KRT13: variants seen among roughly 807,000 people sequenced by gnomAD.
The protein encoded by KRT13 is keratin 13.
Under a neutral mutation model 40.6 loss-of-function variants are expected in KRT13, and 27 were observed. That is an observed-to-expected ratio of 0.67 (90% CI 0.49 to 0.92). The LOEUF (loss-of-function observed/expected upper bound fraction) is 0.92. KRT13 is among the 40% of genes least tolerant of loss of function. KRT13 has a pLI of 0.00. For missense variants in KRT13, 605 were observed against 611.5 expected, an observed-to-expected ratio of 0.99 and a Z score of 0.11; for synonymous variants, 266 against 240.3, an observed-to-expected ratio of 1.11 and a Z score of -0.99.
rs3169911 is a variant in KRT13 at position 41,501,086 on chromosome 17, G to A, written c.*170C>T. The A allele has an allele frequency of 0.043, 24,643 of 579,558 alleles. 687 individuals carry two copies. The highest frequency in any genetic ancestry group is 0.11 in the African/African-American group (5,780 of 53,404). 35.9% of individuals were successfully genotyped at this position (579,558 alleles called of 1,614,324 possible). On this transcript the variant is annotated 3_prime_UTR_variant, in exon 8 of 8. Coordinates refer to ENST00000246635, the MANE Select transcript of KRT13 (RefSeq NM_153490.3). ...GGTCAGAGAGGAGAGAGATCCGACC[G>A]GAAGAGAAGAGCACAGAGGGCCCAC... is the stretch of plus-strand genomic sequence containing the variant.
In KRT13 at chr17:41,502,942, T is replaced by C. The variant is rs4796697; in HGVS notation, c.892A>G (p.Thr298Ala). ...GGGGTGGGAGGGCCGGGTACCTTGG[T>C]GTGGAACCATTCCTCAGCATCCCGG... The part of the protein sequence containing the change: ...NRRDAEEWFH[T>A]KSAELNKEVS... Residue 298 changes from threonine to alanine, a missense_variant, in exon 4 of 8, where the codon ACC becomes GCC. Coordinates refer to ENST00000246635, the MANE Select transcript of KRT13 (RefSeq NM_153490.3). The C allele has an allele frequency of 0.98, 1,582,989 of 1,614,116 alleles. 778,749 individuals carry two copies. The highest frequency in any genetic ancestry group is 1 in the East Asian group (44,846 of 44,862).
At chr17:41,501,518 C>T (rs1429401758) in intron 7 of KRT13, 156 bp from the exon 8 acceptor site, 2 of 1,116,736 alleles carry the variant, frequency 1.8e-6, no homozygotes, top group East Asian at 5.2e-5. Flanking sequence ...CCAAGACAGC[C>T]AAATAGCTCT....
In KRT13 at chr17:41,501,897, C is replaced by T. The variant is rs554243979; in HGVS notation, c.1245-153G>A. The T allele has an allele frequency of 2.0e-6, 3 of 1,520,286 alleles. No individual in the cohort carries two copies. The East Asian group carries it at 7.4e-5, about 38-fold the overall frequency. 94.2% of individuals were successfully genotyped at this position (1,520,286 alleles called of 1,614,324 possible). A position where few individuals can be genotyped will look rare whatever the true frequency, so the allele number is the denominator to read the frequency against. On this transcript the variant is annotated intron_variant, in intron 6 of 7. Transcript: ENST00000246635. ...GTGCCCCCAGCTCAAGGGACAGCAG[C>T]ATCAGGTGCCCACTGGGACTGTCTG...
rs1452577313 is a variant in KRT13 at position 41,501,712 on chromosome 17, C to G, written c.1270+7G>C. The G allele has an allele frequency of 3.8e-6, 6 of 1,583,708 alleles. No homozygotes were observed. The highest frequency in any genetic ancestry group is 4.3e-6 in the Non-Finnish European group (5 of 1,164,266). The stretch of plus-strand genomic sequence containing the variant: ...CCTCCCCCTACACCACGGGGCTGTT[C>G]CCTTACCTGCTGAGGAAGGGAAACC... On this transcript the variant is annotated splice_region_variant and intron_variant, in intron 7 of 7. Coordinates refer to ENST00000246635, the MANE Select transcript of KRT13 (RefSeq NM_153490.3).
Position 41,505,156 on chromosome 17 carries a change from A to T in KRT13, c.395T>A (p.Leu132Gln), listed in dbSNP as rs755706974. 5 of 1,614,084 alleles carry T rather than the reference A, an allele frequency of 3.1e-6. No homozygotes were observed. The South Asian group carries it at 5.5e-5, about 18-fold the overall frequency. The change falls in exon 1 of 8, where the codon CTG becomes CAG. Residue 132 changes from leucine (L) to glutamine (Q), a missense_variant. Leu to Gln is a moderately radical substitution (Grantham distance 113, BLOSUM62 -2). Transcript: ENST00000246635. ...GTGCCAGTCACGGATCTTCACCTCC[A>T]GGTCAGCGTTGGCCTCCTCCAGGGC... ...VRALEEANAD[L>Q]EVKIRDWHLK...
intron 3 of KRT13, 64 bp from the exon 4 acceptor site, chr17:41,503,162 C>T: frequency 6.2e-7 from 1 of 1,606,768 alleles, no homozygotes; most frequent in Non-Finnish European, 8.5e-7. Flanking sequence ...GCTCTGAGTG[C>T]TGGCAGAGTG....
In KRT13 at chr17:41,503,417, T is replaced by G. The variant is rs1172749950; in HGVS notation, c.605A>C (p.Gln202Pro). Residue 202 changes from glutamine (Q) to proline (P), a missense_variant, in exon 3 of 8, where the codon CAG becomes CCG. By Grantham distance (76) the Gln-to-Pro change is moderately conservative. Transcript: ENST00000246635. ...LKYENELALRQSVEADINGLR... is the reference protein window; with the variant it reads ...LKYENELALRPSVEADINGLR... ...GCCGTTGATGTCGGCCTCCACGCTC[T>G]GGCGCAGGGCCAGCTCATTCTCATA... The G allele has an allele frequency of 3.7e-6, 6 of 1,614,240 alleles. 1 individual carries two copies. The South Asian group carries it at 6.6e-5, about 18-fold the overall frequency.
intron 3 of KRT13, 49 bp downstream of exon 3, chr17:41,503,238 T>C (rs1904931383): frequency 6.2e-7 from 1 of 1,609,310 alleles, no homozygotes; most frequent in African/African-American, 1.3e-5. Context: ...GGGCTCCTCC[T>C]TCTCACTGGA....
Position 41,502,951 on chromosome 17 carries a change from A to G in KRT13, c.883T>C (p.Trp295Arg). The G allele has an allele frequency of 6.2e-7, 1 of 1,614,140 alleles. No homozygotes were observed. Among genetic ancestry groups the G allele is most frequent in the Non-Finnish European group, 8.5e-7 (1 of 1,180,020 alleles). Residue 295 changes from tryptophan to arginine, a missense_variant, in exon 4 of 8, where the codon TGG becomes CGG. Trp to Arg is a moderately radical substitution (Grantham distance 101). Transcript: ENST00000246635. The part of the protein sequence containing the change: ...AERNRRDAEE[W>R]FHTKSAELNK... ...GGGCCGGGTACCTTGGTGTGGAACC[A>G]TTCCTCAGCATCCCGGCGGTTCCTC...
chr17:41,505,097 A>T lies in KRT13; in HGVS notation c.454T>A (p.Tyr152Asn). ...TCAATGGTCTTGTAGTAGGGGCTGT[A>T]GTCCCGCTCAGGGCTAGCTGGGCTC... ...KQSPASPERD[Y>N]SPYYKTIEEL... is the part of the protein sequence containing the mutation. Residue 152 changes from tyrosine (Y) to asparagine (N), a missense_variant, in exon 1 of 8, where the codon TAC becomes AAC. Tyr to Asn is a moderately radical substitution (Grantham distance 143). Coordinates refer to ENST00000246635, the MANE Select transcript of KRT13 (RefSeq NM_153490.3). The T allele has an allele frequency of 6.2e-7, 1 of 1,614,198 alleles. No homozygotes were observed.
rs1904892118 is a variant in KRT13 at position 41,502,572 on chromosome 17, A to G, written c.1046T>C (p.Val349Ala). The change falls in exon 6 of 8, where the codon GTG becomes GCG. Residue 349 changes from valine to alanine, a missense_variant. Physicochemically the swap from Val to Ala is moderately conservative, Grantham distance 64. Transcript: ENST00000246635. ...LSMKAGLENT[V>A]AETECRYALQ... ...GGCATAGCGGCACTCCGTCTCTGCCACCGTGTTCTCCAGCCCCGCTTTCTG... is the reference window on the plus strand; with the variant it reads ...GGCATAGCGGCACTCCGTCTCTGCCGCCGTGTTCTCCAGCCCCGCTTTCTG... 1 of 1,613,768 alleles carries G rather than the reference A, an allele frequency of 6.2e-7. No homozygotes were observed. The highest frequency in any genetic ancestry group is 1.1e-5 in the South Asian group (1 of 91,080).
At chr17:41,502,344 A>G (rs1904879387) in intron 6 of KRT13, 30 bp downstream of exon 6, 1 of 1,613,668 alleles carries the variant, frequency 6.2e-7, no homozygotes. Context: ...TGCAGTCACT[A>G]TCCTAAGAAA....
chr17:41,501,347 C>CG lies in KRT13; in HGVS notation c.1285dup (p.Arg429ProfsTer2). On this transcript the variant is annotated frameshift_variant, in exon 8 of 8. Coordinates refer to ENST00000246635, the MANE Select transcript of KRT13 (RefSeq NM_153490.3). LOFTEE classifies it low-confidence loss of function (END_TRUNC). ...AGAAGTCGTGGTAACAGAGGTGCTA[C>CG]GGGGGCTGACGCTTCCTGGGAAACA... is the stretch of plus-strand genomic sequence containing the variant. The CG allele has an allele frequency of 1.3e-6, 2 of 1,564,872 alleles. No homozygotes were observed. Among genetic ancestry groups the CG allele is most frequent in the Non-Finnish European group, 1.7e-6 (2 of 1,153,838 alleles).
chr17:41,502,382 C>T lies in KRT13; in HGVS notation c.1236G>A (p.Gln412=), dbSNP rs768459234. 2.5e-6 allele frequency: 4 copies of T among 1,614,106 alleles called. No homozygotes were observed. In the Admixed American group the frequency reaches 6.7e-5, roughly 27 times the overall value. Residue 412 remains glutamine (Q), a synonymous_variant, in exon 6 of 8, where the codon CAG becomes CAA. Coordinates refer to ENST00000246635, the MANE Select transcript of KRT13 (RefSeq NM_153490.3). Reference sequence around the variant, plus strand: ...GGCTGGAGAGGACCTACTTGGCGTCCTGGCCCTCGAGCAGGCTGCGGTAGG... The same window carrying T: ...GGCTGGAGAGGACCTACTTGGCGTCTTGGCCCTCGAGCAGGCTGCGGTAGG... ...IATYRSLLEG[Q]DAKMIGFPSS...
At chr17:41,502,311 C>T in intron 6 of KRT13, 63 bp downstream of exon 6, 1 of 1,612,626 alleles carries the variant, frequency 6.2e-7, no homozygotes, top group Non-Finnish European at 8.5e-7. Context: ...TAAGGCCCTG[C>T]CTGCTCTGAC....
chr17:41,503,505 T>C, intron 2 of KRT13, 62 bp from the exon 3 acceptor site: 1 of 1,587,998 alleles, frequency 6.3e-7, no homozygotes, highest in Non-Finnish European at 8.6e-7. Context: ...TATGAGACAT[T>C]CTCCCTACCC....
At position 41,501,151 on chromosome 17, in the gene KRT13, G is replaced by A; in HGVS notation, c.*105C>T. On this transcript the variant is annotated 3_prime_UTR_variant, in exon 8 of 8. Coordinates refer to ENST00000246635, the MANE Select transcript of KRT13 (RefSeq NM_153490.3). The stretch of plus-strand genomic sequence containing the variant: ...CAGGACAGGGGGTCCTGAGAGCAGA[G>A]GGACTGAGCCTTGGGTCCAGCAGCC... 2 of 787,136 alleles carry A rather than the reference G, an allele frequency of 2.5e-6. No individual in the cohort carries two copies. The highest frequency in any genetic ancestry group is 2.8e-4 in the Middle Eastern group (1 of 3,590). The allele number at this position is 787,136 out of a possible 1,614,324, so 48.8% of individuals were successfully genotyped here. A position where few individuals can be genotyped will look rare whatever the true frequency, so the allele number is the denominator to read the frequency against.
At chr17:41,502,861 C>T (rs750991125) in intron 4 of KRT13, 49 bp from the exon 5 acceptor site, 1 of 1,614,190 alleles carries the variant, frequency 6.2e-7, no homozygotes, top group Admixed American at 1.7e-5. Context: ...GCTCGAGCAG[C>T]CTGACCAAGA....
In KRT13 at chr17:41,503,290, T is replaced by G; in HGVS notation, c.732A>C (p.Glu244Asp). 1 of 1,614,140 alleles carries G rather than the reference T, an allele frequency of 6.2e-7. No individual in the cohort carries two copies. The highest frequency in any genetic ancestry group is 8.5e-7 in the Non-Finnish European group (1 of 1,180,006). The part of the protein sequence containing the change: ...EELAYMKKNH[E>D]EEMKEFSNQV... ...GCAGCCTGCAATTCCCGCTCACCTCTTCATGGTTCTTCTTCATGTAGGCTA... is the reference window on the plus strand; with the variant it reads ...GCAGCCTGCAATTCCCGCTCACCTCGTCATGGTTCTTCTTCATGTAGGCTA... The change falls in exon 3 of 8, where the codon GAA becomes GAC. Residue 244 changes from glutamate to aspartate, a missense_variant. By Grantham distance (45) the Glu-to-Asp change is conservative (BLOSUM62 2). Transcript: ENST00000246635.
Sources: gnomAD v4.1 joint callset for allele counts on GRCh38, gnomAD v4.1.1 for gene constraint, MANE v1.5 for transcripts, NCBI Gene and HGNC (gene_info 2026-07-23, HGNC 2026-07-21) for gene names.